The following APBB1IP variants were observed in gnomAD, a reference collection of about 807,000 sequenced individuals.
The protein encoded by APBB1IP is amyloid beta A4 precursor protein-binding family B member 1-interacting protein.
A neutral mutation model predicts 64.9 loss-of-function variants in APBB1IP; 27 were observed. That is an observed-to-expected ratio of 0.42 (90% CI 0.31 to 0.57). The LOEUF (loss-of-function observed/expected upper bound fraction) is 0.57, where lower values mean the gene tolerates loss of function less well. Among genes scored for constraint, APBB1IP ranks in the 20% least tolerant of loss-of-function variants. The pLI, the probability that APBB1IP is intolerant of heterozygous loss-of-function variation, is 0.20. For synonymous variants in APBB1IP, 392 were observed against 331.0 expected (o/e 1.18, Z -2.00); for missense variants, 812 against 845.5 (o/e 0.96, Z 0.49).
chr10:26,442,847 A>C (rs921447382), intron 2 of APBB1IP, among the ~76,000 whole-genome samples: 7 of 152,182 alleles, frequency 4.6e-5, no homozygotes, highest in African/African-American at 1.7e-4. Flanking sequence ...GCTAATTTTT[A>C]AAAAGCTTTT....
rs71403804 is a variant in APBB1IP, at chr10:26,534,294, C to CAAAAAAAAA, written c.900+785_900+793dup. 6.8e-5 allele frequency among the ~76,000 whole-genome samples: 4 copies of CAAAAAAAAA among 58,674 alleles called. 1 individual carries two copies. Among genetic ancestry groups the CAAAAAAAAA allele is most frequent in the African/African-American group, 2.0e-4 (3 of 14,776 alleles). The allele number at this position is 58,674 out of a possible 152,430, so 38.5% of individuals were successfully genotyped here. ...TGGGCAACAAAGCAAGATCCAGTCTCAAAAAAAAAAAAAAAAAAAAAAAAT... is the reference window on the plus strand; with the variant it reads ...TGGGCAACAAAGCAAGATCCAGTCTCAAAAAAAAAAAAAAAAAAAAAAAAAAAAAAAAAT... On this transcript the variant is annotated intron_variant, in intron 9 of 14. Transcript: ENST00000376236.
chr10:26,459,871 CTATAATATATT>C (rs1835569981), intron 2 of APBB1IP, among the ~76,000 whole-genome samples: 1 of 152,062 alleles, frequency 6.6e-6, no homozygotes, highest in South Asian at 2.1e-4. Context: ...CTCAAATCCC[CTATAATATATT>C]TATGTCTTTC....
In APBB1IP at chr10:26,447,247, T is replaced by C. The variant is rs369811366; in HGVS notation, c.-1+8394T>C. ...AAAATTAGCCAGGCATGGTGGTGGG[T>C]GCCTGTAGTCCCAGCTACTCGGGAG... On this transcript the variant is annotated intron_variant, in intron 2 of 14. Transcript: ENST00000376236. Among the ~76,000 whole-genome samples the C allele has an allele frequency of 8.6e-5, 13 of 151,428 alleles. No individual in the cohort carries two copies. The East Asian group carries it at 1.6e-3, about 18-fold the overall frequency.
At chr10:26,536,512 C>T (rs889678926) in intron 10 of APBB1IP, among the ~76,000 whole-genome samples, 2 of 151,768 alleles carry the variant, frequency 1.3e-5, no homozygotes, top group African/African-American at 4.8e-5. Context: ...CTTTTTACCC[C>T]TGTTGTTCTA....
intron 14 of APBB1IP, 137 bp downstream of exon 14, chr10:26,562,566 G>A (rs1588621591): frequency 3.2e-6 from 2 of 634,550 alleles, no homozygotes; most frequent in East Asian, 6.1e-5. Context: ...TTGGGAGGCT[G>A]AGGCAGGAGG....
At chr10:26,492,493 C>G in intron 3 of APBB1IP, 95 bp downstream of exon 3, 2 of 1,164,146 alleles carry the variant, frequency 1.7e-6, no homozygotes, top group South Asian at 2.7e-5. Context: ...TTTTAAAACC[C>G]TGATATCGGG....
intron 10 of APBB1IP, among the ~76,000 whole-genome samples, chr10:26,540,002 C>G (rs1161865638): frequency 1.3e-5 from 2 of 152,194 alleles, no homozygotes; most frequent in Non-Finnish European, 2.9e-5. Flanking sequence ...CTCATACGGC[C>G]AAACTGGGGG....
intron 2 of APBB1IP, among the ~76,000 whole-genome samples, chr10:26,483,656 G>A (rs565779511): frequency 1.3e-5 from 2 of 152,142 alleles, no homozygotes; most frequent in Non-Finnish European, 2.9e-5. Flanking sequence ...TTCATTGACT[G>A]TGTCTCATTT....
chr10:26,468,969 C>T (rs905436160), intron 2 of APBB1IP, among the ~76,000 whole-genome samples: 3 of 152,182 alleles, frequency 2.0e-5, no homozygotes, highest in Non-Finnish European at 2.9e-5. Flanking sequence ...GTCTGCCTTC[C>T]TCTGATCTCT....
intron 11 of APBB1IP, 149 bp downstream of exon 11, chr10:26,541,841 A>G (rs537714588): frequency 8.3e-5 from 46 of 552,476 alleles, no homozygotes; most frequent in African/African-American, 8.1e-4. Flanking sequence ...ATTTCTATCA[A>G]TTTGGGACAT....
At position 26,466,841 on chromosome 10, in the gene APBB1IP, TG is replaced by T. The variant is rs541481170; in HGVS notation, c.1-25483del. On this transcript the variant is annotated intron_variant, in intron 2 of 14. Transcript: ENST00000376236. ...GCCCCAGCTACTCAGGATACTGAAG[TG>T]GGAAGATTGCTTGAGCCCAGGAGTT... Among the ~76,000 whole-genome samples, 89 of 152,112 alleles carry T rather than the reference TG, an allele frequency of 5.9e-4. 3 individuals carry two copies. Among genetic ancestry groups the T allele is most frequent in the Admixed American group, 5.8e-3 (89 of 15,266 alleles).
chr10:26,466,751 C>T lies in APBB1IP; in HGVS notation c.1-25576C>T, dbSNP rs146198668. ...AGTGGGTGGAGCCCAGCTTGGGCAA[C>T]GTAGTGAGACCTCGTCCCTACAAAA... On this transcript the variant is annotated intron_variant, in intron 2 of 14. Transcript: ENST00000376236. Among the ~76,000 whole-genome samples, 449 of 152,124 alleles carry T rather than the reference C, an allele frequency of 3.0e-3. 2 individuals are homozygous for T. The highest frequency in any genetic ancestry group is 5.2e-3 in the Non-Finnish European group (354 of 67,988).
At chr10:26,468,434 T>C (rs546117570) in intron 2 of APBB1IP, among the ~76,000 whole-genome samples, 14 of 152,278 alleles carry the variant, frequency 9.2e-5, no homozygotes, top group Non-Finnish European at 1.5e-4. Flanking sequence ...CTTGAGCTAA[T>C]GAGTGAATGA....
chr10:26,514,286 C>T (rs1270158329), intron 8 of APBB1IP, among the ~76,000 whole-genome samples: 1 of 152,104 alleles, frequency 6.6e-6, no homozygotes, highest in African/African-American at 2.4e-5. Context: ...TCCAATATAT[C>T]TTCATGCACT....
chr10:26,511,918 C>T lies in APBB1IP; in HGVS notation c.691+12C>T, dbSNP rs1360031530. The stretch of plus-strand genomic sequence containing the variant: ...GGAACTACAAATTGGTAAGTCCCAT[C>T]CCCAGCAATGGGCTGTACTCCAAAA... On this transcript the variant is annotated intron_variant, in intron 7 of 14. Transcript: ENST00000376236. The T allele has an allele frequency of 1.2e-6, 2 of 1,613,810 alleles. No homozygotes were observed. The highest frequency in any genetic ancestry group is 1.3e-5 in the African/African-American group (1 of 74,914).
At chr10:26,441,188 T>G (rs1835334207) in intron 2 of APBB1IP, among the ~76,000 whole-genome samples, 2 of 152,226 alleles carry the variant, frequency 1.3e-5, no homozygotes, top group South Asian at 4.1e-4. Context: ...GCAAGTCACT[T>G]AAAGCTTAAG....
In APBB1IP at chr10:26,546,363, T is replaced by C. The variant is rs559198363; in HGVS notation, c.1155+4671T>C. Among the ~76,000 whole-genome samples, 128 of 152,356 alleles carry C rather than the reference T, an allele frequency of 8.4e-4. No homozygotes were observed. In the South Asian group the frequency reaches 0.026, roughly 31 times the overall value. On this transcript the variant is annotated intron_variant, in intron 11 of 14. Coordinates refer to ENST00000376236, the MANE Select transcript of APBB1IP (RefSeq NM_019043.4). ...CACATTGCTAGGCCCCCAGGGTTTT[T>C]GATTTAGTAAGTCTGGGATTGGGCC...
chr10:26,558,523 G>A (rs1836923146), intron 11 of APBB1IP, among the ~76,000 whole-genome samples: 1 of 151,342 alleles, frequency 6.6e-6, no homozygotes, highest in Non-Finnish European at 1.5e-5. Flanking sequence ...GTTCACGCAT[G>A]TAATCCCAGC....
At chr10:26,515,383 C>T (rs568016674) in intron 8 of APBB1IP, among the ~76,000 whole-genome samples, 1 of 152,288 alleles carries the variant, frequency 6.6e-6, no homozygotes, top group Admixed American at 6.5e-5. Context: ...TTAGCTTTTC[C>T]GCCTCACCAT....
Sources: allele counts gnomAD v4.1 joint callset (sites outside exome capture counted in the v4.1 genomes callset), GRCh38; gene constraint gnomAD v4.1.1; transcripts MANE v1.5; gene names NCBI Gene and HGNC (gene_info 2026-07-23, HGNC 2026-07-21).